Variants in CCDC125 observed in about 807,000 individuals in gnomAD.
CCDC125 encodes coiled-coil domain-containing protein 125.
A neutral mutation model predicts 57.4 loss-of-function variants in CCDC125; 43 were observed. The ratio of observed to expected loss-of-function variants is 0.75; its 90% confidence interval spans 0.59 to 0.97. The LOEUF is 0.97. Ranked by LOEUF, CCDC125 falls within the 50% of genes least tolerant of loss-of-function variation. The pLI is 0.00. For missense variants in CCDC125, 563 were observed against 595.7 expected (o/e 0.95, Z 0.57); for synonymous variants, 187 against 195.2 (o/e 0.96, Z 0.35).
In CCDC125 at chr5:69,320,363, G is replaced by C; in HGVS notation, c.178C>G (p.Pro60Ala). Residue 60 changes from proline (P) to alanine (A), a missense_variant, in exon 2 of 12, where the codon CCT (proline) becomes GCT (alanine). Coordinates refer to ENST00000396496, the MANE Select transcript of CCDC125 (RefSeq NM_176816.5). ...TCTTCTCCCTTTCTCGGAAATGGAG[G>C]AGGGCTAAAGTTCTTTCCATCTGAT... ...KRSDGKNFSPPPFPRKGEERN... is the reference protein window; with the variant it reads ...KRSDGKNFSPAPFPRKGEERN... The C allele has an allele frequency of 6.2e-7, 1 of 1,613,978 alleles. No individual in the cohort carries two copies. The highest frequency in any genetic ancestry group is 8.5e-7 in the Non-Finnish European group (1 of 1,179,908).
At chr5:69,318,183 T>C (rs1473411825) in intron 2 of CCDC125, among the ~76,000 whole-genome samples, 2 of 151,448 alleles carry the variant, frequency 1.3e-5, no homozygotes, top group African/African-American at 4.8e-5. Flanking sequence ...GGTTTCACCA[T>C]GTTGGTCAGG....
downstream of CCDC125, among the ~76,000 whole-genome samples, chr5:69,278,364 C>G (rs1752307874): frequency 6.8e-6 from 1 of 146,144 alleles, no homozygotes; most frequent in African/African-American, 2.5e-5. Context: ...TGCCACCACG[C>G]CTGGCTAATT....
intron 8 of CCDC125, among the ~76,000 whole-genome samples, chr5:69,296,382 T>C (rs1755326032): frequency 6.6e-6 from 1 of 151,420 alleles, no homozygotes; most frequent in African/African-American, 2.4e-5. Flanking sequence ...TGAAATCCCA[T>C]CTCTACTGAA....
chr5:69,285,272 C>A, intron 11 of CCDC125, 65 bp downstream of exon 11: 1 of 1,572,562 alleles, frequency 6.4e-7, no homozygotes, highest in Non-Finnish European at 8.6e-7. Flanking sequence ...GCATGCTCCC[C>A]ACGGACCGTG....
chr5:69,284,890 G>A (rs2150292693), intron 11 of CCDC125, among the ~76,000 whole-genome samples: 2 of 152,198 alleles, frequency 1.3e-5, no homozygotes, highest in Non-Finnish European at 2.9e-5. Flanking sequence ...TCAGGAGTTT[G>A]AGACCAGCCT....
chr5:69,308,757 G>A (rs775860455), intron 4 of CCDC125: 8 of 162,382 alleles, frequency 4.9e-5, no homozygotes, highest in Non-Finnish European at 9.3e-5. Context: ...GGACAGTTTG[G>A]AGGGCTCAGA....
intron 1 of CCDC125, among the ~76,000 whole-genome samples, chr5:69,328,462 G>C (rs1175996580): frequency 6.6e-6 from 1 of 151,846 alleles, no homozygotes; most frequent in African/African-American, 2.4e-5. Flanking sequence ...TGGGCAACAA[G>C]AGTGAAACCC....
downstream of CCDC125, chr5:69,276,732 A>C: frequency 6.4e-7 from 1 of 1,553,656 alleles, no homozygotes; most frequent in South Asian, 1.1e-5. Context: ...GAATTTAGAA[A>C]ACTCCAAATA....
Position 69,292,377 on chromosome 5 carries a change from C to A in CCDC125, c.925-15G>T, listed in dbSNP as rs111521871. On this transcript the variant is annotated splice_polypyrimidine_tract_variant and intron_variant, in intron 9 of 11. Coordinates refer to ENST00000396496, the MANE Select transcript of CCDC125 (RefSeq NM_176816.5). The stretch of plus-strand genomic sequence containing the variant: ...AAAATTTCCAACTGATTTTGAAAGA[C>A]AGTTTGGGAGGTGTCAGAGGCAAAA... The A allele has an allele frequency of 1.9e-3, 3,068 of 1,608,906 alleles. 52 individuals are homozygous for A. The African/African-American group carries it at 0.037, about 19-fold the overall frequency.
chr5:69,280,020 TGAG>T (rs1297782935), downstream of CCDC125, among the ~76,000 whole-genome samples: 2 of 152,074 alleles, frequency 1.3e-5, no homozygotes, highest in Non-Finnish European at 2.9e-5. Context: ...CTCACAATCA[TGAG>T]AACAGCATGG....
chr5:69,311,085 G>A lies in CCDC125; in HGVS notation c.453+33C>T, dbSNP rs181476751. 16 of 1,386,182 alleles carry A rather than the reference G, an allele frequency of 1.2e-5. No individual in the cohort carries two copies. In the Admixed American group the frequency reaches 1.7e-4, roughly 15 times the overall value. The allele number at this position is 1,386,182 out of a possible 1,614,324, so 85.9% of individuals were successfully genotyped here. A position where few individuals can be genotyped will look rare whatever the true frequency, so the allele number is the denominator to read the frequency against. ...CATACCAACATTATTATTGGAATGT[G>A]TAAATGGTGAAAGTTTAAAAACAAC... On this transcript the variant is annotated intron_variant, in intron 4 of 11. Transcript: ENST00000396496.
intron 4 of CCDC125, chr5:69,308,422 C>A: frequency 4.2e-6 from 1 of 237,300 alleles, no homozygotes; most frequent in Non-Finnish European, 8.5e-6. Context: ...GGTGGTTTTC[C>A]CCATACTGTT....
rs1305561235 is a variant in CCDC125 at position 69,281,932 on chromosome 5, C to T, written c.*797G>A. The stretch of plus-strand genomic sequence containing the variant: ...TGAGACAGAGTTTCGCTCTTGTCGC[C>T]CAGGCTGGAGTGCAATGACACAGTC... On this transcript the variant is annotated 3_prime_UTR_variant, in exon 12 of 12. Coordinates refer to ENST00000396496, the MANE Select transcript of CCDC125 (RefSeq NM_176816.5). 6.6e-6 allele frequency: 1 copy of T among 151,324 alleles called. No individual in the cohort carries two copies. Among genetic ancestry groups the T allele is most frequent in the Non-Finnish European group, 1.5e-5 (1 of 67,956 alleles). 9.4% of individuals were successfully genotyped at this position (151,324 alleles called of 1,614,324 possible).
chr5:69,293,200 G>A (rs1409050278), intron 9 of CCDC125, among the ~76,000 whole-genome samples: 6 of 151,914 alleles, frequency 3.9e-5, no homozygotes, highest in Non-Finnish European at 8.8e-5. Flanking sequence ...GTGCAGTGAT[G>A]TGAACACGGC....
chr5:69,312,017 G>A (rs1236106571), intron 3 of CCDC125, among the ~76,000 whole-genome samples: 2 of 152,162 alleles, frequency 1.3e-5, no homozygotes, highest in African/African-American at 4.8e-5. Flanking sequence ...TTACAGGCAT[G>A]AGCCACTGCC....
At chr5:69,319,601 C>T (rs1759692394) in intron 2 of CCDC125, among the ~76,000 whole-genome samples, 1 of 151,516 alleles carries the variant, frequency 6.6e-6, no homozygotes, top group South Asian at 2.1e-4. Flanking sequence ...CCTGCCTCAG[C>T]CTCCCGAGTA....
Position 69,306,919 on chromosome 5 carries a change from G to T in CCDC125, c.532-17C>A, listed in dbSNP as rs6881767. On this transcript the variant is annotated splice_polypyrimidine_tract_variant and intron_variant, in intron 5 of 11. Coordinates refer to ENST00000396496, the MANE Select transcript of CCDC125 (RefSeq NM_176816.5). ...ATTTATTTCCTATGGAAAGAAAATA[G>T]TACCTTCATGGCAAATTACTACAAA... is the stretch of plus-strand genomic sequence containing the variant. 8.8e-6 allele frequency: 13 copies of T among 1,473,224 alleles called. No individual in the cohort carries two copies. Among genetic ancestry groups the T allele is most frequent in the Non-Finnish European group, 1.2e-5 (13 of 1,113,812 alleles). The allele number at this position is 1,473,224 out of a possible 1,614,324, so 91.3% of individuals were successfully genotyped here.
At chr5:69,304,406 G>A (rs6865481) in intron 6 of CCDC125, among the ~76,000 whole-genome samples, 63,222 of 147,946 alleles carry the variant, frequency 0.43, 13,768 homozygotes, top group South Asian at 0.47. Flanking sequence ...TGCCCGGCCA[G>A]GATTTTAAAC....
chr5:69,296,697 C>T (rs1035597604), intron 8 of CCDC125, among the ~76,000 whole-genome samples: 1 of 152,166 alleles, frequency 6.6e-6, no homozygotes, highest in Middle Eastern at 3.2e-3. Context: ...GGCAGGGTGT[C>T]TTATGCCTAT....
Sources: gnomAD v4.1 joint callset for allele counts (sites outside exome capture counted in the v4.1 genomes callset) on GRCh38, gnomAD v4.1.1 for gene constraint, MANE v1.5 for transcripts, NCBI Gene and HGNC (gene_info 2026-07-23, HGNC 2026-07-21) for gene names.